The following FAXC variants were observed in gnomAD, a reference collection of about 807,000 sequenced individuals.
FAXC encodes the protein failed axon connections homolog, metaxin like GST domain containing.
FAXC carries 10 observed loss-of-function variants against 41.9 expected under a neutral mutation model. The observed-to-expected ratio is 0.24, with a 90% CI of 0.15 to 0.41. FAXC has a LOEUF of 0.41. Among genes scored for constraint, FAXC ranks in the 10% least tolerant of loss-of-function variants. The probability of loss-of-function intolerance (pLI) is 1.00; values close to 1 mark genes in which losing one functional copy is unlikely to be tolerated. For synonymous variants in FAXC, 183 were observed against 183.8 expected, an observed-to-expected ratio of 1.00 and a Z score of 0.03; for missense variants, 399 against 510.9, an observed-to-expected ratio of 0.78 and a Z score of 2.11.
rs923602425 is a variant in FAXC at position 99,272,768 on chromosome 6, C to A, written c.*8396G>T. ...CTGTTTTAATTATACAAGAGCCTTA[C>A]AACTAAAATACTCTCCCAGTCATCT... On this transcript the variant is annotated 3_prime_UTR_variant, in exon 6 of 6. Transcript: ENST00000389677. The A allele has an allele frequency of 3.3e-5, 5 of 152,314 alleles. No individual in the cohort carries two copies. Among genetic ancestry groups the A allele is most frequent in the Non-Finnish European group, 4.4e-5 (3 of 68,032 alleles). 9.4% of individuals were successfully genotyped at this position (152,314 alleles called of 1,614,324 possible).
At chr6:99,323,707 T>G in intron 3 of FAXC, 40 bp from the exon 4 acceptor site, 1 of 1,500,556 alleles carries the variant, frequency 6.7e-7, no homozygotes, top group Non-Finnish European at 9.3e-7. Flanking sequence ...GTGCATCAGG[T>G]ACATATCAGC....
At chr6:99,299,246 C>T (rs1444950756) in intron 4 of FAXC, among the ~76,000 whole-genome samples, 1 of 152,198 alleles carries the variant, frequency 6.6e-6, no homozygotes, top group African/African-American at 2.4e-5. Context: ...AATCTCATCT[C>T]CTTCCTCCCT....
Position 99,289,826 on chromosome 6 carries a change from A to C in FAXC, c.940+1878T>G, listed in dbSNP as rs565940933. 2.6e-5 allele frequency among the ~76,000 whole-genome samples: 4 copies of C among 152,148 alleles called. No homozygotes were observed. The South Asian group carries it at 8.3e-4, about 32-fold the overall frequency. On this transcript the variant is annotated intron_variant, in intron 5 of 5. Transcript: ENST00000389677. ...GCTCAGAACACTTACATTAACCTACAGTAAGGCAAAATCATCTGGCAACAC... is the reference window on the plus strand; with the variant it reads ...GCTCAGAACACTTACATTAACCTACCGTAAGGCAAAATCATCTGGCAACAC...
At chr6:99,316,157 G>GCCCC (rs71021722) in intron 4 of FAXC, among the ~76,000 whole-genome samples, 5 of 146,260 alleles carry the variant, frequency 3.4e-5, no homozygotes, top group African/African-American at 1.0e-4. Context: ...TAACCCACTC[G>GCCCC]CCCCCCCCCA....
chr6:99,332,979 T>A (rs1389353708), intron 3 of FAXC, among the ~76,000 whole-genome samples: 2 of 152,196 alleles, frequency 1.3e-5, no homozygotes, highest in African/African-American at 4.8e-5. Context: ...AAGGATATGG[T>A]ACATTAAATG....
Position 99,333,341 on chromosome 6 carries a change from G to A in FAXC, c.599+10C>T, listed in dbSNP as rs751001760. 32 of 1,600,276 alleles carry A rather than the reference G, an allele frequency of 2.0e-5. No individual in the cohort carries two copies. The highest frequency in any genetic ancestry group is 2.4e-5 in the Non-Finnish European group (28 of 1,174,990). Reference sequence around the variant, plus strand: ...TTCGAAAGGACGGGGACACCCCAGAGGGGACTCACCAGTAGAAGTGCTCCT... The same window carrying A: ...TTCGAAAGGACGGGGACACCCCAGAAGGGACTCACCAGTAGAAGTGCTCCT... On this transcript the variant is annotated intron_variant, in intron 3 of 5. Transcript: ENST00000389677.
At chr6:99,305,202 G>A (rs9399123) in intron 4 of FAXC, among the ~76,000 whole-genome samples, 7,277 of 152,220 alleles carry the variant, frequency 0.048, 478 homozygotes, top group East Asian at 0.34. Context: ...TGCATTTCAA[G>A]GTAACCACTC....
chr6:99,337,688 A>G (rs995337870), intron 2 of FAXC, among the ~76,000 whole-genome samples: 7 of 152,232 alleles, frequency 4.6e-5, no homozygotes, highest in African/African-American at 1.4e-4. Context: ...GCAATTTCCT[A>G]TAAGTCTATC....
At chr6:99,313,327 A>G (rs1772218099) in intron 4 of FAXC, among the ~76,000 whole-genome samples, 1 of 152,186 alleles carries the variant, frequency 6.6e-6, no homozygotes, top group South Asian at 2.1e-4. Context: ...GAGGTTGAAC[A>G]TTTTTAATAT....
chr6:99,286,090 G>T (rs1053414648), intron 5 of FAXC, among the ~76,000 whole-genome samples: 4 of 152,176 alleles, frequency 2.6e-5, no homozygotes, highest in Non-Finnish European at 4.4e-5. Context: ...ACACTCATTT[G>T]CTCTACAGGT....
At chr6:99,281,853 T>C (rs1298490379) in intron 5 of FAXC, among the ~76,000 whole-genome samples, 1 of 152,264 alleles carries the variant, frequency 6.6e-6, no homozygotes, top group Non-Finnish European at 1.5e-5. Context: ...TACATTCCTC[T>C]TGTTTACCAG....
chr6:99,316,274 G>A (rs112895137), intron 4 of FAXC, among the ~76,000 whole-genome samples: 1,677 of 152,074 alleles, frequency 0.011, 21 homozygotes, highest in African/African-American at 0.038. Flanking sequence ...GCTCGGAGAA[G>A]CTTGAGAGCC....
chr6:99,345,307 C>T (rs951621896), intron 1 of FAXC, among the ~76,000 whole-genome samples: 3 of 152,196 alleles, frequency 2.0e-5, no homozygotes, highest in Admixed American at 6.5e-5. Context: ...AAGCATGTCA[C>T]GTGTTATCTC....
At chr6:99,319,294 G>C (rs949218589) in intron 4 of FAXC, among the ~76,000 whole-genome samples, 8 of 151,852 alleles carry the variant, frequency 5.3e-5, no homozygotes, top group Non-Finnish European at 1.5e-5. Context: ...AGCTACTTAC[G>C]AGGGTGAGAC....
chr6:99,342,801 G>T (rs911501944), intron 2 of FAXC, 97 bp downstream of exon 2: 2 of 1,178,768 alleles, frequency 1.7e-6, no homozygotes, highest in African/African-American at 1.5e-5. Context: ...ATCCCCTCTG[G>T]CATCCACTGT....
chr6:99,289,489 T>A (rs1024737997), intron 5 of FAXC, among the ~76,000 whole-genome samples: 17 of 151,742 alleles, frequency 1.1e-4, no homozygotes, highest in African/African-American at 2.4e-4. Flanking sequence ...CATTTATTTT[T>A]AAAAAAAAAT....
At chr6:99,308,476 C>T (rs564959828) in intron 4 of FAXC, among the ~76,000 whole-genome samples, 34 of 152,240 alleles carry the variant, frequency 2.2e-4, no homozygotes, top group African/African-American at 8.2e-4. Flanking sequence ...TTGGAGAGCA[C>T]CATGGCGATG....
At chr6:99,291,236 A>G (rs924848204) in intron 5 of FAXC, among the ~76,000 whole-genome samples, 3 of 152,232 alleles carry the variant, frequency 2.0e-5, no homozygotes, top group Non-Finnish European at 2.9e-5. Flanking sequence ...AAAACAGTTT[A>G]GACTCAGAGC....
chr6:99,293,659 A>G (rs1459090851), intron 4 of FAXC, among the ~76,000 whole-genome samples: 1 of 136,932 alleles, frequency 7.3e-6, no homozygotes, highest in East Asian at 2.0e-4. Context: ...ATAATGCTCT[A>G]TACACAGTGT....
Sources: allele counts gnomAD v4.1 joint callset (sites outside exome capture counted in the v4.1 genomes callset), GRCh38; gene constraint gnomAD v4.1.1; transcripts MANE v1.5; gene names NCBI Gene and HGNC (gene_info 2026-07-23, HGNC 2026-07-21).